Variants in ESS2 observed in about 807,000 individuals in gnomAD.
ESS2 encodes splicing factor ESS-2 homolog.
Under a neutral mutation model 52.0 loss-of-function variants are expected in ESS2, and 31 were observed. That is an observed-to-expected ratio of 0.60 (90% CI 0.45 to 0.81). ESS2 has a LOEUF of 0.81. Ranked by LOEUF, ESS2 falls within the 30% of genes least tolerant of loss-of-function variation. The pLI, the probability that ESS2 is intolerant of heterozygous loss-of-function variation, is 0.00. For synonymous variants in ESS2, 285 were observed against 259.2 expected, an observed-to-expected ratio of 1.10 and a Z score of -0.95; for missense variants, 602 against 637.2, an observed-to-expected ratio of 0.94 and a Z score of 0.59.
chr22:19,134,989 C>G, intron 9 of ESS2, 71 bp downstream of exon 9: 1 of 1,468,020 alleles, frequency 6.8e-7, no homozygotes, highest in Non-Finnish European at 9.4e-7. Flanking sequence ...TCCACACGGT[C>G]AGGGCAGGGG....
At chr22:19,137,027 G>A (rs2083593970) in intron 8 of ESS2, among the ~76,000 whole-genome samples, 1 of 152,094 alleles carries the variant, frequency 6.6e-6, no homozygotes, top group Non-Finnish European at 1.5e-5. Flanking sequence ...GGCCTGCAGA[G>A]CTCCTCACGT....
Position 19,142,783 on chromosome 22 carries a change from T to C in ESS2, c.247A>G (p.Ile83Val). ...ENGDLERMRQ[I>V]AIKFGSALGK... The stretch of plus-strand genomic sequence containing the variant: ...AAGGCAGAGCCAAACTTGATGGCAA[T>C]CTGGCGCATCCGTTCCAAGTCTCCA... The change falls in exon 2 of 10, where the codon ATT becomes GTT. Residue 83 changes from isoleucine to valine, a missense_variant. Physicochemically the swap from Ile to Val is conservative, Grantham distance 29 (BLOSUM62 3). Transcript: ENST00000252137. 6.2e-7 allele frequency: 1 copy of C among 1,614,118 alleles called. No homozygotes were observed. Among genetic ancestry groups the C allele is most frequent in the Non-Finnish European group, 8.5e-7 (1 of 1,180,020 alleles).
Position 19,142,560 on chromosome 22 carries a change from G to A in ESS2, c.378C>T (p.Pro126=), listed in dbSNP as rs781420818. 1 of 1,610,722 alleles carries A rather than the reference G, an allele frequency of 6.2e-7. No homozygotes were observed. Among genetic ancestry groups the A allele is most frequent in the Non-Finnish European group, 8.5e-7 (1 of 1,178,884 alleles). ...CACCATCCTCCAGGCCTCGGCCGCGGGGCCTGGGCTTGTTGCCCACCACTC... is the reference window on the plus strand; with the variant it reads ...CACCATCCTCCAGGCCTCGGCCGCGAGGCCTGGGCTTGTTGCCCACCACTC... ...GTGVVGNKPR[P]RGRGLEDGEA... is the part of the protein sequence containing the mutation. The change falls in exon 3 of 10, where the codon CCC becomes CCT. Residue 126 remains proline, a synonymous_variant. Coordinates refer to ENST00000252137, the MANE Select transcript of ESS2 (RefSeq NM_022719.3).
chr22:19,141,231 C>T (rs993256767), intron 3 of ESS2, among the ~76,000 whole-genome samples: 3 of 152,044 alleles, frequency 2.0e-5, no homozygotes, highest in Admixed American at 6.6e-5. Flanking sequence ...TGTTAATGGC[C>T]GAAAAAGCTG....
Position 19,137,375 on chromosome 22 carries a change from A to C in ESS2, c.983T>G (p.Val328Gly). 6.2e-7 allele frequency: 1 copy of C among 1,613,222 alleles called. No homozygotes were observed. The highest frequency in any genetic ancestry group is 1.1e-5 in the South Asian group (1 of 91,036). The change falls in exon 8 of 10, where the codon GTT becomes GGT. Residue 328 changes from valine (V) to glycine (G), a missense_variant. By Grantham distance (109) the Val-to-Gly change is moderately radical. Coordinates refer to ENST00000252137, the MANE Select transcript of ESS2 (RefSeq NM_022719.3). The stretch of plus-strand genomic sequence containing the variant: ...CACGTAGGGCGTTTCCGACCCTTCA[A>C]CTCTCAAGGGTGTGTTCTCAACCTC... ...WGEVENTPLR[V>G]EGSETPYVDR...
intron 9 of ESS2, among the ~76,000 whole-genome samples, chr22:19,134,764 T>C (rs2083552361): frequency 6.6e-6 from 1 of 152,100 alleles, no homozygotes; most frequent in South Asian, 2.1e-4. Flanking sequence ...AGGGGAACGA[T>C]GACTCTCTCC....
At chr22:19,139,315 C>T in intron 5 of ESS2, 23 bp from the exon 6 acceptor site, 1 of 1,559,336 alleles carries the variant, frequency 6.4e-7, no homozygotes, top group East Asian at 2.3e-5. Context: ...GCAAAGGTAG[C>T]AGCAGGTGTC....
rs1159765342 is a variant in ESS2 at position 19,134,418 on chromosome 22, G to A, written c.1209C>T (p.Ser403=). The A allele has an allele frequency of 1.9e-6, 3 of 1,605,872 alleles. No homozygotes were observed. Among genetic ancestry groups the A allele is most frequent in the East Asian group, 4.5e-5 (2 of 44,388 alleles). Residue 403 remains serine (S), a synonymous_variant, in exon 10 of 10, where the codon AGC becomes AGT. Coordinates refer to ENST00000252137, the MANE Select transcript of ESS2 (RefSeq NM_022719.3). ...AMSPALQRLV[S]RTASKYTDRA... is the part of the protein sequence containing the mutation. The stretch of plus-strand genomic sequence containing the variant: ...GGTCTGTGTACTTGCTGGCCGTCCT[G>A]CTCACAAGGCGCTGTAGGGCTGGCG...
Position 19,132,234 on chromosome 22 carries a change from G to T in ESS2, c.*1962C>A. 6.2e-7 allele frequency: 1 copy of T among 1,612,160 alleles called. No homozygotes were observed. Among genetic ancestry groups the T allele is most frequent in the Non-Finnish European group, 8.5e-7 (1 of 1,178,598 alleles). On this transcript the variant is annotated 3_prime_UTR_variant, in exon 10 of 10. Transcript: ENST00000252137. The surrounding 1 kb of genome is among the most constrained non-coding windows in gnomAD (Gnocchi z 4.2). ...GTGGCTGCAGCCCCCCAAGCCCAAA[G>T]CCACGTCTTCTGCCTCCTTCAAGAG...
chr22:19,141,159 T>C (rs1026925894), intron 3 of ESS2, among the ~76,000 whole-genome samples: 1 of 151,370 alleles, frequency 6.6e-6, no homozygotes, highest in Admixed American at 6.6e-5. Flanking sequence ...ATCTACAAAT[T>C]GCCCTGTGAT....
At position 19,131,697 on chromosome 22, in the gene ESS2, G is replaced by A. The variant is rs1220520538; in HGVS notation, c.*2499C>T. ...GCTTGGCGTCCAGGGCGACCTCCTC[G>A]AGTTCATCAAGTGCCAGGGAGCCCT... On this transcript the variant is annotated 3_prime_UTR_variant, in exon 10 of 10. Transcript: ENST00000252137. The surrounding 1 kb of genome is among the most constrained non-coding windows in gnomAD (Gnocchi z 5.7). 4.3e-6 allele frequency: 7 copies of A among 1,613,992 alleles called. No individual in the cohort carries two copies. Among genetic ancestry groups the A allele is most frequent in the Non-Finnish European group, 3.4e-6 (4 of 1,179,972 alleles).
Position 19,137,309 on chromosome 22 carries a change from TCAC to T in ESS2, c.1035+11_1035+13del, listed in dbSNP as rs1322007398. 7 of 1,600,478 alleles carry T rather than the reference TCAC, an allele frequency of 4.4e-6. 1 individual carries two copies. Among genetic ancestry groups the T allele is most frequent in the Non-Finnish European group, 6.0e-6 (7 of 1,171,092 alleles). ...ACCCCGGTCGCACACAGTTCCCCCA[TCAC>T]CACAACCCACCTTAAAAGCTGGGCC... On this transcript the variant is annotated intron_variant, in intron 8 of 9. Coordinates refer to ENST00000252137, the MANE Select transcript of ESS2 (RefSeq NM_022719.3).
chr22:19,139,496 A>G lies in ESS2; in HGVS notation c.688+116T>C. 4 of 1,263,110 alleles carry G rather than the reference A, an allele frequency of 3.2e-6. No individual in the cohort carries two copies. In the South Asian group the frequency reaches 5.1e-5, roughly 16 times the overall value. 78.2% of individuals were successfully genotyped at this position (1,263,110 alleles called of 1,614,324 possible). On this transcript the variant is annotated intron_variant, in intron 5 of 9. Transcript: ENST00000252137. ...CTTAGACAGACCAGTACCCATCAGAAGCCCAAACTGCAAGGGGGCACGGCC... is the reference window on the plus strand; with the variant it reads ...CTTAGACAGACCAGTACCCATCAGAGGCCCAAACTGCAAGGGGGCACGGCC...
At chr22:19,137,846 C>T (rs2083610828) in intron 7 of ESS2, 2 of 985,418 alleles carry the variant, frequency 2.0e-6, no homozygotes, top group African/African-American at 3.5e-5. Context: ...ACGCATGCCA[C>T]AAGACCACCT....
rs746126476 is a variant in ESS2, at chr22:19,142,561, G to C, written c.377C>G (p.Pro126Arg). The change falls in exon 3 of 10, where the codon CCC (proline) becomes CGC (arginine). Residue 126 changes from proline to arginine, a missense_variant. Transcript: ENST00000252137. Reference protein sequence around the residue: ...GTGVVGNKPRPRGRGLEDGEA... With the variant: ...GTGVVGNKPRRRGRGLEDGEA... ...ACCATCCTCCAGGCCTCGGCCGCGGGGCCTGGGCTTGTTGCCCACCACTCC... is the reference window on the plus strand; with the variant it reads ...ACCATCCTCCAGGCCTCGGCCGCGGCGCCTGGGCTTGTTGCCCACCACTCC... 5 of 1,611,574 alleles carry C rather than the reference G, an allele frequency of 3.1e-6. No individual in the cohort carries two copies. Among genetic ancestry groups the C allele is most frequent in the Non-Finnish European group, 4.2e-6 (5 of 1,179,180 alleles).
intron 6 of ESS2, chr22:19,138,566 C>G (rs553316962): frequency 3.3e-6 from 2 of 614,966 alleles, no homozygotes; most frequent in Non-Finnish European, 5.9e-6. Context: ...CAGGGAGGTG[C>G]CAGGGCCTCC....
chr22:19,144,165 A>G, intron 1 of ESS2: 1 of 1,084,902 alleles, frequency 9.2e-7, no homozygotes, highest in Non-Finnish European at 1.1e-6. Context: ...CAGGAACCCC[A>G]GCATTCACAC....
chr22:19,139,409 C>T, intron 5 of ESS2, 117 bp from the exon 6 acceptor site: 4 of 1,441,720 alleles, frequency 2.8e-6, no homozygotes, highest in Non-Finnish European at 3.7e-6. Flanking sequence ...GAGCAGAACG[C>T]AGGCCCCAGT....
intron 3 of ESS2, among the ~76,000 whole-genome samples, chr22:19,141,996 T>TA (rs879906341): frequency 5.3e-5 from 8 of 151,648 alleles, no homozygotes; most frequent in Non-Finnish European, 1.0e-4. Flanking sequence ...TGTCAAAAAA[T>TA]TAAAAATAAA....
Sources: allele counts gnomAD v4.1 joint callset (sites outside exome capture counted in the v4.1 genomes callset), GRCh38; gene constraint gnomAD v4.1.1; non-coding constraint Gnocchi (gnomAD v3.1); transcripts MANE v1.5; gene names NCBI Gene and HGNC (gene_info 2026-07-23, HGNC 2026-07-21).